SLC25A17: variants seen among roughly 807,000 people sequenced by gnomAD.
SLC25A17 encodes solute carrier family 25 member 17.
A neutral mutation model predicts 38.5 loss-of-function variants in SLC25A17; 26 were observed. That is an observed-to-expected ratio of 0.68 (90% CI 0.50 to 0.94). The LOEUF (loss-of-function observed/expected upper bound fraction) is 0.94, where lower values mean the gene tolerates loss of function less well. SLC25A17 is among the 40% of genes least tolerant of loss of function. The probability of loss-of-function intolerance (pLI) is 0.00; values close to 1 mark genes in which losing one functional copy is unlikely to be tolerated. For synonymous variants in SLC25A17, 139 were observed against 136.2 expected (o/e 1.02, Z -0.14); for missense variants, 333 against 372.7 (o/e 0.89, Z 0.88).
At chr22:40,799,146 T>C (rs2057458177) in intron 1 of SLC25A17, 63 bp from the exon 2 acceptor site, 2 of 1,313,720 alleles carry the variant, frequency 1.5e-6, no homozygotes, top group East Asian at 4.7e-5. Context: ...AACTTTTTTT[T>C]TTTGAGACAG....
chr22:40,818,165 G>A (rs1031438135), intron 1 of SLC25A17, among the ~76,000 whole-genome samples: 3 of 152,212 alleles, frequency 2.0e-5, no homozygotes, highest in Non-Finnish European at 4.4e-5. Context: ...AGGATTCAGT[G>A]ATGTTCCTCT....
chr22:40,778,997 A>C lies in SLC25A17; in HGVS notation c.451+12T>G. Reference sequence around the variant, plus strand: ...AAACCCTTAAATAGGAATTCAGCAAAGAGATACTTACCAATGATACCTTTG... The same window carrying C: ...AAACCCTTAAATAGGAATTCAGCAACGAGATACTTACCAATGATACCTTTG... On this transcript the variant is annotated intron_variant, in intron 5 of 8. Coordinates refer to ENST00000435456, the MANE Select transcript of SLC25A17 (RefSeq NM_006358.4). 6 of 1,596,898 alleles carry C rather than the reference A, an allele frequency of 3.8e-6. No individual in the cohort carries two copies. Among genetic ancestry groups the C allele is most frequent in the Non-Finnish European group, 5.2e-6 (6 of 1,164,600 alleles).
At chr22:40,804,556 TTTTG>T (rs778767236) in intron 1 of SLC25A17, among the ~76,000 whole-genome samples, 6 of 152,110 alleles carry the variant, frequency 3.9e-5, no homozygotes, top group South Asian at 2.1e-4. Context: ...TTTACTTGGT[TTTTG>T]TTTGTTTTGT....
intron 8 of SLC25A17, among the ~76,000 whole-genome samples, chr22:40,772,593 A>G (rs1157736801): frequency 3.3e-5 from 5 of 150,688 alleles, no homozygotes; most frequent in Non-Finnish European, 5.9e-5. Context: ...GTGAGCCACC[A>G]CGCCCAGCCT....
rs980315349 is a variant in SLC25A17, at chr22:40,783,564, C to T, written c.335-4439G>A. Among the ~76,000 whole-genome samples, 5 of 152,252 alleles carry T rather than the reference C, an allele frequency of 3.3e-5. No homozygotes were observed. In the East Asian group the frequency reaches 9.6e-4, roughly 29 times the overall value. On this transcript the variant is annotated intron_variant, in intron 4 of 8. Coordinates refer to ENST00000435456, the MANE Select transcript of SLC25A17 (RefSeq NM_006358.4). ...CTACTCCTGGGCTTAAGTGATCCTC[C>T]CTCCTTAGCCTCCCAAGTAGCTGGG... is the stretch of plus-strand genomic sequence containing the variant.
At chr22:40,796,377 G>A (rs2057429575) in intron 2 of SLC25A17, among the ~76,000 whole-genome samples, 1 of 151,992 alleles carries the variant, frequency 6.6e-6, no homozygotes, top group Non-Finnish European at 1.5e-5. Context: ...GGTGGCTCAC[G>A]CCTGTAATCC....
Sources: allele counts gnomAD v4.1 joint callset (sites outside exome capture counted in the v4.1 genomes callset), GRCh38; gene constraint gnomAD v4.1.1; transcripts MANE v1.5; gene names NCBI Gene and HGNC (gene_info 2026-07-23, HGNC 2026-07-21).